Variants in DIS3L2 observed in about 807,000 individuals in gnomAD.
The protein encoded by DIS3L2 is DIS3 like 3'-5' exoribonuclease 2, also known as DIS3-like exonuclease 2.
A neutral mutation model predicts 97.5 loss-of-function variants in DIS3L2; 34 were observed. The observed-to-expected ratio is 0.35, with a 90% CI of 0.27 to 0.46. DIS3L2 has a LOEUF of 0.46. Among genes scored for constraint, DIS3L2 ranks in the 20% least tolerant of loss-of-function variants. DIS3L2 has a pLI of 1.00. For missense variants in DIS3L2, 1,038 were observed against 1,146.0 expected (o/e 0.91, Z 1.36); for synonymous variants, 435 against 445.2 (o/e 0.98, Z 0.29).
At chr2:232,022,251 C>T (rs116616846) in intron 3 of DIS3L2, among the ~76,000 whole-genome samples, 3,130 of 152,198 alleles carry the variant, frequency 0.021, 95 homozygotes, top group African/African-American at 0.07. Flanking sequence ...TTCCGAGGTC[C>T]AGTTCTTCAG....
At chr2:232,188,534 A>T (rs1428680625) in intron 9 of DIS3L2, among the ~76,000 whole-genome samples, 1 of 152,252 alleles carries the variant, frequency 6.6e-6, no homozygotes, top group Non-Finnish European at 1.5e-5. Flanking sequence ...AGGCAAATAA[A>T]TGAACTTCGA....
At chr2:232,312,435 T>G (rs1022366551) in intron 14 of DIS3L2, among the ~76,000 whole-genome samples, 1 of 152,230 alleles carries the variant, frequency 6.6e-6, no homozygotes, top group African/African-American at 2.4e-5. Context: ...CTGTTTCTGC[T>G]CTCCATTCTG....
At chr2:232,200,295 T>C (rs547769446) in intron 9 of DIS3L2, among the ~76,000 whole-genome samples, 2 of 152,330 alleles carry the variant, frequency 1.3e-5, no homozygotes, top group African/African-American at 4.8e-5. Context: ...AACAATTTCA[T>C]GTGATTCAAC....
chr2:232,209,328 C>T (rs1692123061), intron 9 of DIS3L2, among the ~76,000 whole-genome samples: 1 of 152,160 alleles, frequency 6.6e-6, no homozygotes, highest in African/African-American at 2.4e-5. Flanking sequence ...CCAATTATAG[C>T]TCACTGCTGC....
intron 5 of DIS3L2, among the ~76,000 whole-genome samples, chr2:232,066,472 A>G (rs978380341): frequency 6.6e-6 from 1 of 152,046 alleles, no homozygotes; most frequent in African/African-American, 2.4e-5. Flanking sequence ...TTGGTTTGCT[A>G]ATAATTTGTT....
intron 13 of DIS3L2, among the ~76,000 whole-genome samples, chr2:232,291,492 G>A (rs886370689): frequency 6.6e-6 from 1 of 152,258 alleles, no homozygotes; most frequent in Admixed American, 6.5e-5. Context: ...TGGACTATGA[G>A]GGGAAGAGTC....
At chr2:232,010,310 C>T (rs1041214730) in intron 1 of DIS3L2, among the ~76,000 whole-genome samples, 2 of 151,978 alleles carry the variant, frequency 1.3e-5, no homozygotes, top group African/African-American at 4.8e-5. Flanking sequence ...GTCTCCCTGT[C>T]TCTGTCTCTC....
At chr2:232,146,541 G>A (rs549150823) in intron 8 of DIS3L2, among the ~76,000 whole-genome samples, 1 of 152,278 alleles carries the variant, frequency 6.6e-6, no homozygotes, top group Admixed American at 6.5e-5. Flanking sequence ...ATCCAGTGGT[G>A]GTTTCTCTAT....
chr2:232,321,967 G>A (rs537845587), intron 14 of DIS3L2, among the ~76,000 whole-genome samples: 5 of 152,322 alleles, frequency 3.3e-5, no homozygotes, highest in Admixed American at 6.5e-5. Flanking sequence ...GGGCTTGGCC[G>A]GGCAGGTGGA....
At chr2:231,971,044 GA>G (rs1050040146) in intron 1 of DIS3L2, among the ~76,000 whole-genome samples, 4 of 152,152 alleles carry the variant, frequency 2.6e-5, no homozygotes, top group Non-Finnish European at 5.9e-5. Context: ...TTGTCCTGCT[GA>G]AAAGTCTTCA....
intron 6 of DIS3L2, among the ~76,000 whole-genome samples, chr2:232,117,797 G>T (rs1419395714): frequency 6.6e-6 from 1 of 152,226 alleles, no homozygotes; most frequent in East Asian, 1.9e-4. Flanking sequence ...CATCTCCTGT[G>T]AAAAGGCCTC....
chr2:232,187,221 A>C (rs1420123185), intron 9 of DIS3L2, among the ~76,000 whole-genome samples: 2 of 152,190 alleles, frequency 1.3e-5, no homozygotes, highest in Non-Finnish European at 2.9e-5. Flanking sequence ...CTGTACATTC[A>C]CTAGGATGGC....
intron 8 of DIS3L2, among the ~76,000 whole-genome samples, chr2:232,159,382 C>T (rs916752140): frequency 6.6e-6 from 1 of 152,216 alleles, no homozygotes; most frequent in African/African-American, 2.4e-5. Flanking sequence ...GAATCCTAAG[C>T]AGCCTTTTGT....
At position 232,329,862 on chromosome 2, in the gene DIS3L2, A is replaced by G. The variant is rs1695682780; in HGVS notation, c.1789A>G (p.Ile597Val). ...LLANMAVAHK[I>V]HRAFPEQALL... ...GGCCAACATGGCAGTGGCCCACAAG[A>G]TCCACCGCGCCTTCCCCGAGCAGGC... is the stretch of plus-strand genomic sequence containing the variant. The change falls in exon 15 of 21, where the codon ATC becomes GTC. Residue 597 changes from isoleucine to valine, a missense_variant. Ile to Val is a conservative substitution (Grantham distance 29). Transcript: ENST00000325385. 1 of 1,558,142 alleles carries G rather than the reference A, an allele frequency of 6.4e-7. No individual in the cohort carries two copies.
chr2:232,129,242 T>C (rs1422866793), intron 6 of DIS3L2, among the ~76,000 whole-genome samples: 1 of 152,216 alleles, frequency 6.6e-6, no homozygotes. Flanking sequence ...TTGTCAAATA[T>C]CTAAGTAGAG....
chr2:232,115,304 T>TA (rs1055875084), intron 6 of DIS3L2, among the ~76,000 whole-genome samples: 264 of 149,720 alleles, frequency 1.8e-3, no homozygotes, highest in Non-Finnish European at 2.7e-3. Flanking sequence ...AAGATTTTTT[T>TA]AAAAAAAAAA....
intron 5 of DIS3L2, among the ~76,000 whole-genome samples, chr2:232,030,613 T>C (rs1052661264): frequency 1.3e-5 from 2 of 152,158 alleles, no homozygotes; most frequent in African/African-American, 4.8e-5. Flanking sequence ...ATGAGAGTAT[T>C]TTGGGTTTCG....
At position 232,292,721 on chromosome 2, in the gene DIS3L2, C is replaced by G. The variant is rs1233731309; in HGVS notation, c.1660-7319C>G. 6.6e-6 allele frequency among the ~76,000 whole-genome samples: 1 copy of G among 152,250 alleles called. No individual in the cohort carries two copies. Among genetic ancestry groups the G allele is most frequent in the African/African-American group, 2.4e-5 (1 of 41,476 alleles). On this transcript the variant is annotated intron_variant, in intron 13 of 20. Coordinates refer to ENST00000325385, the MANE Select transcript of DIS3L2 (RefSeq NM_152383.5). The surrounding 1 kb of genome is among the most constrained non-coding windows in gnomAD (Gnocchi z 4.4). The stretch of plus-strand genomic sequence containing the variant: ...CCTGAGCCCCTGAAAGGAGAAGGCT[C>G]TCCCATTTTCTGCCCTGGGGAGACT...
intron 5 of DIS3L2, among the ~76,000 whole-genome samples, chr2:232,078,019 TTTTCTCTTTC>T (rs1696266538): frequency 1.1e-5 from 1 of 94,794 alleles, no homozygotes; most frequent in African/African-American, 4.3e-5. Flanking sequence ...CTTTCTTTCT[TTTTCTCTTTC>T]TCTTTCTCTT....
Sources: gnomAD v4.1 joint callset for allele counts (sites outside exome capture counted in the v4.1 genomes callset) on GRCh38, gnomAD v4.1.1 for gene constraint, Gnocchi (gnomAD v3.1) non-coding constraint, MANE v1.5 for transcripts, NCBI Gene and HGNC (gene_info 2026-07-23, HGNC 2026-07-21) for gene names.